CCDC148: variants seen among roughly 807,000 people sequenced by gnomAD.
CCDC148 encodes the protein coiled-coil domain-containing protein 148.
A neutral mutation model predicts 85.7 loss-of-function variants in CCDC148; 89 were observed. The ratio of observed to expected loss-of-function variants is 1.04; its 90% CI spans 0.87 to 1.24. The LOEUF (loss-of-function observed/expected upper bound fraction) is 1.24, where lower values mean the gene tolerates loss of function less well. CCDC148 is among the 50% of genes most tolerant of loss of function. CCDC148 has a pLI of 0.00. For synonymous variants in CCDC148, 230 were observed against 213.9 expected (o/e 1.08, Z -0.66); for missense variants, 692 against 671.7 (o/e 1.03, Z -0.33).
intron 11 of CCDC148, among the ~76,000 whole-genome samples, chr2:158,204,466 C>T (rs1195949076): frequency 6.6e-6 from 1 of 152,086 alleles, no homozygotes; most frequent in Admixed American, 6.6e-5. Context: ...AGACAATCTC[C>T]TGGAGCTCAG....
chr2:158,250,690 C>A (rs939519820), intron 10 of CCDC148, 82 bp downstream of exon 10: 1 of 1,438,642 alleles, frequency 7.0e-7, no homozygotes. Context: ...ATGAGAATTT[C>A]ATGCCAAACA....
At chr2:158,368,550 G>C (rs1173699311) in intron 1 of CCDC148, among the ~76,000 whole-genome samples, 3 of 151,996 alleles carry the variant, frequency 2.0e-5, no homozygotes, top group Admixed American at 2.0e-4. Flanking sequence ...CACATTATAT[G>C]ACATTTTAGA....
At chr2:158,248,410 A>T (rs959666922) in intron 10 of CCDC148, among the ~76,000 whole-genome samples, 3 of 152,284 alleles carry the variant, frequency 2.0e-5, no homozygotes, top group Admixed American at 1.3e-4. Context: ...TCTCTATTTT[A>T]AAAAAATATT....
intron 1 of CCDC148, among the ~76,000 whole-genome samples, chr2:158,436,470 A>C (rs534711368): frequency 7.5e-4 from 114 of 152,208 alleles, no homozygotes; most frequent in East Asian, 5.4e-3. Flanking sequence ...GGGACACATT[A>C]AAAGCAGTGT....
At chr2:158,330,975 G>T (rs1031046386) in intron 7 of CCDC148, among the ~76,000 whole-genome samples, 1 of 151,938 alleles carries the variant, frequency 6.6e-6, no homozygotes, top group African/African-American at 2.4e-5. Context: ...TGGATTCATT[G>T]ATTTTTTGAA....
At chr2:158,323,662 T>C (rs1692622681) in intron 7 of CCDC148, among the ~76,000 whole-genome samples, 1 of 152,172 alleles carries the variant, frequency 6.6e-6, no homozygotes, top group African/African-American at 2.4e-5. Flanking sequence ...CCATTTACCA[T>C]GTCAGAGACT....
intron 1 of CCDC148, among the ~76,000 whole-genome samples, chr2:158,394,354 C>G (rs567479230): frequency 6.6e-6 from 1 of 152,056 alleles, no homozygotes; most frequent in East Asian, 1.9e-4. Flanking sequence ...TAAAATTTTT[C>G]ATAGCTGATA....
At chr2:158,232,737 G>T (rs1246113893) in intron 10 of CCDC148, among the ~76,000 whole-genome samples, 2 of 152,130 alleles carry the variant, frequency 1.3e-5, no homozygotes, top group East Asian at 3.8e-4. Flanking sequence ...AAAGCATCCA[G>T]TTCCAGTCCC....
At chr2:158,364,586 T>G (rs986507874) in intron 1 of CCDC148, among the ~76,000 whole-genome samples, 7 of 152,130 alleles carry the variant, frequency 4.6e-5, no homozygotes, top group Admixed American at 1.3e-4. Flanking sequence ...TAATAAATGG[T>G]GTTGGGAAAA....
chr2:158,257,995 T>A (rs1401586123), intron 9 of CCDC148, among the ~76,000 whole-genome samples: 1 of 151,848 alleles, frequency 6.6e-6, no homozygotes, highest in Non-Finnish European at 1.5e-5. Flanking sequence ...GGCTGTGAGA[T>A]CTTGGGAAAT....
chr2:158,179,017 G>A, intron 11 of CCDC148, 21 bp from the exon 12 acceptor site: 2 of 1,540,578 alleles, frequency 1.3e-6, no homozygotes, highest in East Asian at 2.3e-5. Flanking sequence ...AACACAGAAG[G>A]AAGTTGTGGA....
At chr2:158,399,352 T>A (rs942133561) in intron 1 of CCDC148, among the ~76,000 whole-genome samples, 1 of 152,064 alleles carries the variant, frequency 6.6e-6, no homozygotes, top group African/African-American at 2.4e-5. Flanking sequence ...ATATACCTGA[T>A]GAATATCAAT....
intron 9 of CCDC148, among the ~76,000 whole-genome samples, chr2:158,298,201 C>G (rs549614164): frequency 5.3e-5 from 8 of 152,276 alleles, no homozygotes; most frequent in African/African-American, 9.6e-5. Flanking sequence ...ATTATTTCCA[C>G]CTGGTCCCTC....
intron 1 of CCDC148, among the ~76,000 whole-genome samples, chr2:158,384,166 T>C (rs1684989410): frequency 6.6e-6 from 1 of 152,198 alleles, no homozygotes; most frequent in South Asian, 2.1e-4. Context: ...CTTTGATCGC[T>C]TAATTAAGGT....
At chr2:158,317,217 T>C (rs17808588) in intron 7 of CCDC148, among the ~76,000 whole-genome samples, 8,886 of 152,306 alleles carry the variant, frequency 0.058, 360 homozygotes, top group Non-Finnish European at 0.081. Flanking sequence ...AAAAAATCTT[T>C]AGACAAAAAA....
At chr2:158,310,579 G>A (rs1483204546) in intron 8 of CCDC148, among the ~76,000 whole-genome samples, 1 of 151,718 alleles carries the variant, frequency 6.6e-6, no homozygotes, top group Non-Finnish European at 1.5e-5. Context: ...GCGGCTGCCG[G>A]GCGGAGGGGC....
chr2:158,188,104 G>C (rs1176964418), intron 11 of CCDC148, among the ~76,000 whole-genome samples: 1 of 151,914 alleles, frequency 6.6e-6, no homozygotes, highest in Non-Finnish European at 1.5e-5. Context: ...ACCATGGACA[G>C]AGCTAAGATC....
chr2:158,242,186 G>T (rs1453730027), intron 10 of CCDC148, among the ~76,000 whole-genome samples: 1 of 152,232 alleles, frequency 6.6e-6, no homozygotes, highest in East Asian at 1.9e-4. Flanking sequence ...AAGAGAAAAA[G>T]AACTGTATTC....
intron 11 of CCDC148, among the ~76,000 whole-genome samples, chr2:158,194,308 T>C (rs1489222552): frequency 6.6e-6 from 1 of 152,132 alleles, no homozygotes; most frequent in Admixed American, 6.6e-5. Flanking sequence ...GGAGTAGATA[T>C]TTCCAAGCAA....
Sources: allele counts gnomAD v4.1 joint callset (sites outside exome capture counted in the v4.1 genomes callset), GRCh38; gene constraint gnomAD v4.1.1; transcripts MANE v1.5; gene names NCBI Gene and HGNC (gene_info 2026-07-23, HGNC 2026-07-21).